The following STXBP5L variants were observed in gnomAD, a reference collection of about 807,000 sequenced individuals.
STXBP5L encodes the protein syntaxin binding protein 5L, also known as syntaxin-binding protein 5-like.
A neutral mutation model predicts 144.5 loss-of-function variants in STXBP5L; 65 were observed. The ratio of observed to expected loss-of-function variants is 0.45; its 90% confidence interval spans 0.37 to 0.55. The LOEUF (loss-of-function observed/expected upper bound fraction) is 0.55. STXBP5L is among the 20% of genes least tolerant of loss of function. The pLI, the probability that STXBP5L is intolerant of heterozygous loss-of-function variation, is 0.00. For missense variants in STXBP5L, 1,298 were observed against 1,405.5 expected, an observed-to-expected ratio of 0.92 and a Z score of 1.22; for synonymous variants, 505 against 469.6, an observed-to-expected ratio of 1.08 and a Z score of -0.97.
intron 19 of STXBP5L, among the ~76,000 whole-genome samples, chr3:121,287,766 T>A (rs905127250): frequency 6.6e-5 from 10 of 151,520 alleles, no homozygotes; most frequent in African/African-American, 1.9e-4. Context: ...GAGGCAGAGG[T>A]TGCAGTGAGC....
intron 20 of STXBP5L, chr3:121,324,495 C>G: frequency 2.9e-6 from 2 of 693,780 alleles, no homozygotes; most frequent in South Asian, 3.0e-5. Context: ...TCCTTTAGGA[C>G]TTGCTACCAG....
At chr3:121,165,927 T>C (rs1388947437) in intron 9 of STXBP5L, among the ~76,000 whole-genome samples, 2 of 152,202 alleles carry the variant, frequency 1.3e-5, no homozygotes, top group African/African-American at 2.4e-5. Flanking sequence ...TTATTTGTTA[T>C]GAAAAGTTAC....
chr3:121,186,338 A>T (rs2047380687), intron 9 of STXBP5L, among the ~76,000 whole-genome samples: 2 of 152,158 alleles, frequency 1.3e-5, no homozygotes, highest in Admixed American at 1.3e-4. Context: ...ACTATGTTGA[A>T]TAGGAGTGGT....
chr3:120,973,891 A>C (rs1169134876), intron 3 of STXBP5L, among the ~76,000 whole-genome samples: 1 of 152,314 alleles, frequency 6.6e-6, no homozygotes, highest in South Asian at 2.1e-4. Flanking sequence ...TTATGGCTGC[A>C]TAGTATTCCA....
intron 18 of STXBP5L, among the ~76,000 whole-genome samples, chr3:121,266,574 G>A (rs1174988822): frequency 6.6e-6 from 1 of 152,194 alleles, no homozygotes; most frequent in Admixed American, 6.6e-5. Context: ...ACAAGATAAG[G>A]ATGCGGTCTC....
chr3:121,128,259 G>C (rs909378299), intron 7 of STXBP5L, among the ~76,000 whole-genome samples: 1 of 151,922 alleles, frequency 6.6e-6, no homozygotes, highest in Non-Finnish European at 1.5e-5. Flanking sequence ...GTAGTAATTT[G>C]CTGGCATGGC....
At chr3:121,232,255 T>C (rs966181773) in intron 11 of STXBP5L, among the ~76,000 whole-genome samples, 2 of 152,144 alleles carry the variant, frequency 1.3e-5, no homozygotes, top group Non-Finnish European at 2.9e-5. Context: ...CACGTGAACA[T>C]ACCCCCTTAT....
chr3:121,412,743 A>AC (rs1345869207), intron 23 of STXBP5L, among the ~76,000 whole-genome samples: 3 of 148,620 alleles, frequency 2.0e-5, no homozygotes, highest in African/African-American at 7.5e-5. Flanking sequence ...AAAAAAAAAA[A>AC]AAAAAACAAA....
chr3:120,992,043 A>C (rs769460142), intron 3 of STXBP5L, among the ~76,000 whole-genome samples: 43 of 152,134 alleles, frequency 2.8e-4, no homozygotes, highest in Non-Finnish European at 5.6e-4. Context: ...TTTTGCTTTA[A>C]ATTGACCTAT....
At chr3:120,948,937 C>T (rs570351120) in intron 2 of STXBP5L, among the ~76,000 whole-genome samples, 41 of 151,734 alleles carry the variant, frequency 2.7e-4, no homozygotes, top group Middle Eastern at 3.4e-3. Context: ...GGTGGGATTG[C>T]TGGATCAAAT....
intron 19 of STXBP5L, among the ~76,000 whole-genome samples, chr3:121,307,175 G>A (rs2043365128): frequency 6.6e-6 from 1 of 152,148 alleles, no homozygotes; most frequent in Non-Finnish European, 1.5e-5. Flanking sequence ...GCAAAAACTG[G>A]AGAGGGGAGA....
intron 3 of STXBP5L, among the ~76,000 whole-genome samples, chr3:120,965,151 T>C (rs1939402954): frequency 6.6e-6 from 1 of 152,202 alleles, no homozygotes; most frequent in Admixed American, 6.5e-5. Context: ...CCTCCATCTC[T>C]TTATTTTGAG....
At chr3:121,142,793 A>T (rs1034023400) in intron 7 of STXBP5L, among the ~76,000 whole-genome samples, 2 of 151,930 alleles carry the variant, frequency 1.3e-5, no homozygotes, top group African/African-American at 4.8e-5. Context: ...ACATTAAAAA[A>T]TAAGAAAGAC....
intron 5 of STXBP5L, among the ~76,000 whole-genome samples, chr3:121,085,574 C>G (rs1332060629): frequency 6.6e-6 from 1 of 152,094 alleles, no homozygotes; most frequent in East Asian, 1.9e-4. Context: ...CTCCCATTCA[C>G]AATTGCTACA....
intron 3 of STXBP5L, among the ~76,000 whole-genome samples, chr3:120,972,110 T>A (rs1417762613): frequency 3.3e-5 from 5 of 152,000 alleles, no homozygotes; most frequent in African/African-American, 1.2e-4. Context: ...TGGGGAATGA[T>A]GTTGGCATTG....
intron 2 of STXBP5L, among the ~76,000 whole-genome samples, chr3:120,953,017 ATCGAAC>A (rs1257150631): frequency 6.6e-6 from 1 of 151,548 alleles, no homozygotes; most frequent in Non-Finnish European, 1.5e-5. Context: ...CCAGGGTGGT[ATCGAAC>A]TCCTGGGCTC....
At chr3:121,265,169 C>T (rs988522454) in intron 18 of STXBP5L, among the ~76,000 whole-genome samples, 1 of 152,168 alleles carries the variant, frequency 6.6e-6, no homozygotes, top group Admixed American at 6.5e-5. Flanking sequence ...AATGAATATA[C>T]ATTCTTCTCA....
chr3:121,222,964 A>G, intron 10 of STXBP5L, 39 bp from the exon 11 acceptor site: 1 of 1,560,500 alleles, frequency 6.4e-7, no homozygotes, highest in Non-Finnish European at 8.6e-7. Flanking sequence ...TGTCATTTTA[A>G]AGGACTTCTG....
chr3:121,040,194 T>C (rs1947052167), intron 3 of STXBP5L, among the ~76,000 whole-genome samples: 1 of 152,070 alleles, frequency 6.6e-6, no homozygotes, highest in South Asian at 2.1e-4. Context: ...CGTTTTTGAG[T>C]GCTAAAGGTT....
Sources: gnomAD v4.1 joint callset for allele counts (sites outside exome capture counted in the v4.1 genomes callset) on GRCh38, gnomAD v4.1.1 for gene constraint, MANE v1.5 for transcripts, NCBI Gene and HGNC (gene_info 2026-07-23, HGNC 2026-07-21) for gene names.